The following DNAH8 variants were observed in gnomAD, a reference collection of about 807,000 sequenced individuals.
DNAH8 encodes the protein axonemal beta dynein heavy chain 8.
DNAH8 carries 382 observed loss-of-function variants against 562.1 expected under a neutral mutation model. The observed-to-expected ratio is 0.68, with a 90% CI of 0.63 to 0.74. DNAH8 has a LOEUF of 0.74. Ranked by LOEUF, DNAH8 falls within the 30% of genes least tolerant of loss-of-function variation. DNAH8 has a pLI of 0.00. For missense variants in DNAH8, 5,203 were observed against 5,620.4 expected (o/e 0.93, Z 2.37); for synonymous variants, 1,881 against 1,919.4 (o/e 0.98, Z 0.52).
chr6:38,913,330 G>A (rs1350850940), intron 66 of DNAH8, among the ~76,000 whole-genome samples: 1 of 152,132 alleles, frequency 6.6e-6, no homozygotes. Context: ...AGAACCCGTT[G>A]GAATGTGAGC....
At chr6:38,725,336 T>TAATAATAATAATAATAAA (rs1283259746) in intron 3 of DNAH8, among the ~76,000 whole-genome samples, 3 of 148,966 alleles carry the variant, frequency 2.0e-5, no homozygotes, top group Admixed American at 1.4e-4. Flanking sequence ...ATAATAATAA[T>TAATAATAATAATAATAAA]AAAGAGCTAC....
Position 38,822,987 on chromosome 6 carries a change from C to A in DNAH8, c.3673C>A (p.Gln1225Lys), listed in dbSNP as rs1773008504. 1.2e-6 allele frequency: 2 copies of A among 1,610,038 alleles called. No individual in the cohort carries two copies. The highest frequency in any genetic ancestry group is 1.1e-5 in the South Asian group (1 of 90,284). Residue 1225 changes from glutamine (Q) to lysine (K), a missense_variant, in exon 27 of 93, where the codon CAG becomes AAG. Around this residue, in one of 6 missense-constraint regions of DNAH8, gnomAD observed 2,176 missense variants for 2,365.1 expected, o/e 0.92. Coordinates refer to ENST00000327475, the MANE Select transcript of DNAH8 (RefSeq NM_001206927.2). The part of the protein sequence containing the change: ...KAAHEALQDF[Q>K]KYKTLWTEDR... The stretch of plus-strand genomic sequence containing the variant: ...AGCTCATGAGGCCCTGCAGGACTTT[C>A]AGAAGTACAAGACTCTCTGGACAGA...
chr6:38,778,492 T>C (rs778787601), intron 14 of DNAH8, 28 bp downstream of exon 14: 2 of 1,275,184 alleles, frequency 1.6e-6, no homozygotes, highest in East Asian at 2.4e-5. Flanking sequence ...AGCAGAGTAG[T>C]TTCTGGGGGG....
intron 9 of DNAH8, among the ~76,000 whole-genome samples, chr6:38,752,065 T>C (rs1294259016): frequency 6.6e-6 from 1 of 152,242 alleles, no homozygotes; most frequent in Non-Finnish European, 1.5e-5. Context: ...AATTGGAATC[T>C]AGCTATCTGT....
At chr6:38,781,161 A>G in intron 15 of DNAH8, 93 bp from the exon 16 acceptor site, 1 of 1,389,174 alleles carries the variant, frequency 7.2e-7, no homozygotes, top group South Asian at 1.3e-5. Flanking sequence ...TAAAACATGA[A>G]TAATGATAAA....
At chr6:38,725,522 A>G (rs1229898426) in intron 3 of DNAH8, among the ~76,000 whole-genome samples, 2 of 152,118 alleles carry the variant, frequency 1.3e-5, no homozygotes, top group East Asian at 3.9e-4. Context: ...GATTGATGCA[A>G]AGACTTCAAT....
chr6:39,001,049 G>A (rs562488139), intron 88 of DNAH8, among the ~76,000 whole-genome samples: 1 of 152,276 alleles, frequency 6.6e-6, no homozygotes, highest in South Asian at 2.1e-4. Flanking sequence ...AATGTGTGTG[G>A]GGAGTTCTGG....
intron 61 of DNAH8, among the ~76,000 whole-genome samples, chr6:38,898,769 C>T (rs1779877137): frequency 6.6e-6 from 1 of 152,006 alleles, no homozygotes; most frequent in Non-Finnish European, 1.5e-5. Context: ...TTAAAAGTGT[C>T]AATGTTATGA....
Position 38,776,408 on chromosome 6 carries a change from G to A in DNAH8, c.1962+457G>A, listed in dbSNP as rs180717692. On this transcript the variant is annotated intron_variant, in intron 13 of 92. Transcript: ENST00000327475. ...AATTTTTGTATTTTTAGTAGAGACA[G>A]GGTTTCGCCATGTTGGCCAGGCTGG... Among the ~76,000 whole-genome samples the A allele has an allele frequency of 1.5e-3, 223 of 152,184 alleles. 1 individual carries two copies. The highest frequency in any genetic ancestry group is 5.1e-3 in the African/African-American group (212 of 41,524).
chr6:38,908,490 A>G (rs961230275), intron 64 of DNAH8, among the ~76,000 whole-genome samples: 1 of 152,150 alleles, frequency 6.6e-6, no homozygotes, highest in Admixed American at 6.5e-5. Context: ...GTGCTTCCCA[A>G]TATAGTAGCC....
intron 26 of DNAH8, among the ~76,000 whole-genome samples, chr6:38,819,664 G>GA (rs1772636791): frequency 6.6e-6 from 1 of 151,922 alleles, no homozygotes; most frequent in Non-Finnish European, 1.5e-5. Context: ...AATAAGACAA[G>GA]AAAAAATGAG....
At chr6:38,910,903 CT>C (rs1260493276) in intron 65 of DNAH8, among the ~76,000 whole-genome samples, 2 of 152,066 alleles carry the variant, frequency 1.3e-5, no homozygotes, top group African/African-American at 4.8e-5. Flanking sequence ...AAAATTATGC[CT>C]TTTGTAATAA....
chr6:38,991,680 C>T (rs1764798735), intron 88 of DNAH8, among the ~76,000 whole-genome samples: 2 of 152,170 alleles, frequency 1.3e-5, no homozygotes, highest in African/African-American at 4.8e-5. Flanking sequence ...CTCCCACCTT[C>T]GTGCCCACTC....
rs770888153 is a variant in DNAH8, at chr6:38,845,567, T to G, written c.4846-7T>G. On this transcript the variant is annotated splice_polypyrimidine_tract_variant and splice_region_variant and intron_variant, in intron 35 of 92. Coordinates refer to ENST00000327475, the MANE Select transcript of DNAH8 (RefSeq NM_001206927.2). ...ATCATGACATATACTTTGCTTTTCC[T>G]TCAAAGGATATTTGCATATCTGCCA... is the stretch of plus-strand genomic sequence containing the variant. 6.2e-7 allele frequency: 1 copy of G among 1,610,830 alleles called. No homozygotes were observed. Among genetic ancestry groups the G allele is most frequent in the Non-Finnish European group, 8.5e-7 (1 of 1,177,114 alleles).
At chr6:38,798,501 C>T (rs1272179905) in intron 21 of DNAH8, among the ~76,000 whole-genome samples, 1 of 152,132 alleles carries the variant, frequency 6.6e-6, no homozygotes, top group Non-Finnish European at 1.5e-5. Flanking sequence ...GTGGCCTCAA[C>T]TGTTCATGAC....
chr6:38,865,609 A>T (rs1480170108), intron 45 of DNAH8, among the ~76,000 whole-genome samples: 2 of 152,226 alleles, frequency 1.3e-5, no homozygotes, highest in African/African-American at 4.8e-5. Context: ...TGTTGCAGCC[A>T]ATTGACTGAG....
chr6:38,873,275 T>C lies in DNAH8; in HGVS notation c.7519T>C (p.Phe2507Leu), dbSNP rs755038127. ...KKRTAQEAAV[F>L]LTLYEKVFED... ...ACGCACTGCACAGGAAGCTGCTGTA[T>C]TCCTGACACTGTATGAGAAAGTCTT... is the stretch of plus-strand genomic sequence containing the variant. Residue 2507 changes from phenylalanine to leucine, a missense_variant, in exon 52 of 93, where the codon TTC becomes CTC. Physicochemically the swap from Phe to Leu is conservative, Grantham distance 22. This residue lies in a region of DNAH8 where 977 missense variants were observed against 1,061.8 expected (regional missense o/e 0.92). Transcript: ENST00000327475. 5 of 1,613,560 alleles carry C rather than the reference T, an allele frequency of 3.1e-6. No homozygotes were observed. In the South Asian group the frequency reaches 5.5e-5, roughly 18 times the overall value.
intron 4 of DNAH8, among the ~76,000 whole-genome samples, chr6:38,731,998 G>C (rs991387143): frequency 1.3e-5 from 2 of 152,184 alleles, no homozygotes; most frequent in Non-Finnish European, 2.9e-5. Context: ...TTATAGGTGT[G>C]AGCCACCACA....
At position 38,823,261 on chromosome 6, in the gene DNAH8, A is replaced by G. The variant is rs999655708; in HGVS notation, c.3720+227A>G. Among the ~76,000 whole-genome samples the G allele has an allele frequency of 3.3e-5, 5 of 152,212 alleles. No individual in the cohort carries two copies. The South Asian group carries it at 6.2e-4, about 19-fold the overall frequency. The stretch of plus-strand genomic sequence containing the variant: ...AGATTTTGTTCAATTTCCTTAAACA[A>G]TTGAGTACCAATTATGTGCCACCAC... On this transcript the variant is annotated intron_variant, in intron 27 of 92. Coordinates refer to ENST00000327475, the MANE Select transcript of DNAH8 (RefSeq NM_001206927.2).
Sources: allele counts gnomAD v4.1 joint callset (sites outside exome capture counted in the v4.1 genomes callset), GRCh38; gene constraint gnomAD v4.1.1; regional missense constraint gnomAD v4.1.1; transcripts MANE v1.5; gene names NCBI Gene and HGNC (gene_info 2026-07-23, HGNC 2026-07-21).